The following TAS2R1 variants were observed in gnomAD, a reference collection of about 807,000 sequenced individuals.
TAS2R1 encodes the protein taste receptor type 2 member 1.
For missense variants in TAS2R1, 370 were observed against 353.4 expected (o/e 1.05, Z -0.38); for synonymous variants, 141 against 134.2 (o/e 1.05, Z -0.35).
the TAS2R1 span, among the ~76,000 whole-genome samples, chr5:9,859,115 A>G: frequency 1.6e-4 from 24 of 152,344 alleles, no homozygotes; most frequent in African/African-American, 5.0e-4. Context: ...TTTCATTAAA[A>G]TGGTCCTTTG....
At chr5:9,677,956 A>T (rs1469616143) in intron 1 of TAS2R1, among the ~76,000 whole-genome samples, 5 of 152,184 alleles carry the variant, frequency 3.3e-5, no homozygotes, top group African/African-American at 1.2e-4. Context: ...AATCCCAACT[A>T]AATGGGCAGC....
the TAS2R1 span, among the ~76,000 whole-genome samples, chr5:9,844,074 T>C: frequency 6.6e-6 from 1 of 152,190 alleles, no homozygotes. Flanking sequence ...AGTATTATCA[T>C]TGGGAATGAC....
chr5:9,859,534 T>A, the TAS2R1 span, among the ~76,000 whole-genome samples: 27 of 152,212 alleles, frequency 1.8e-4, no homozygotes, highest in African/African-American at 6.3e-4. Context: ...ATCCCATTGA[T>A]TATTGCGTTC....
the TAS2R1 span, among the ~76,000 whole-genome samples, chr5:9,820,833 T>C: frequency 3.3e-5 from 5 of 152,176 alleles, no homozygotes; most frequent in Admixed American, 2.6e-4. Flanking sequence ...CCTGAACTAA[T>C]TAGTATTCTG....
At chr5:9,762,552 A>G in the TAS2R1 span, among the ~76,000 whole-genome samples, 1 of 152,228 alleles carries the variant, frequency 6.6e-6, no homozygotes, top group African/African-American at 2.4e-5. Flanking sequence ...GTGTCACAAT[A>G]TAGACCCGGT....
At chr5:9,769,355 T>C in the TAS2R1 span, among the ~76,000 whole-genome samples, 152 of 152,360 alleles carry the variant, frequency 1.0e-3, no homozygotes, top group African/African-American at 3.6e-3. Context: ...TCTTGGCTAT[T>C]GTGAACAATG....
chr5:9,637,313 TTCTCCTTTAAGGGTTA>T (rs1739983481), intron 2 of TAS2R1, among the ~76,000 whole-genome samples: 3 of 152,188 alleles, frequency 2.0e-5, no homozygotes, highest in Admixed American at 2.0e-4. Flanking sequence ...ATCTGATAGG[TTCTCCTTTAAGGGTTA>T]TCTGATGCTT....
chr5:9,778,473 G>A, the TAS2R1 span, among the ~76,000 whole-genome samples: 3 of 152,198 alleles, frequency 2.0e-5, no homozygotes, highest in Admixed American at 2.0e-4. Flanking sequence ...TTTGAAGCCA[G>A]GAATTGTCTT....
intron 1 of TAS2R1, among the ~76,000 whole-genome samples, chr5:9,704,375 A>C (rs78460633): frequency 2.4e-4 from 35 of 147,960 alleles, no homozygotes; most frequent in South Asian, 1.9e-3. Flanking sequence ...AAAAAAAAAA[A>C]TCAGATATTA....
At chr5:9,833,698 C>T in the TAS2R1 span, among the ~76,000 whole-genome samples, 14 of 152,228 alleles carry the variant, frequency 9.2e-5, no homozygotes, top group African/African-American at 2.9e-4. Context: ...TTAGGCAAAT[C>T]TGATTAAGAG....
At chr5:9,832,282 A>G in the TAS2R1 span, among the ~76,000 whole-genome samples, 2 of 152,206 alleles carry the variant, frequency 1.3e-5, no homozygotes, top group Non-Finnish European at 2.9e-5. Flanking sequence ...TTATTCACAT[A>G]CAAGTAAGGT....
At chr5:9,692,886 T>G (rs1175176158) in intron 1 of TAS2R1, among the ~76,000 whole-genome samples, 1 of 152,192 alleles carries the variant, frequency 6.6e-6, no homozygotes, top group Non-Finnish European at 1.5e-5. Context: ...CTTTAAAAAT[T>G]TATTCACCAA....
At chr5:9,827,595 CATG>C in the TAS2R1 span, among the ~76,000 whole-genome samples, 20 of 82,518 alleles carry the variant, frequency 2.4e-4, no homozygotes, top group Admixed American at 5.3e-4. Context: ...GGTGTGGTGG[CATG>C]CACACACACA....
At chr5:9,696,381 G>GT (rs1741356546) in intron 1 of TAS2R1, among the ~76,000 whole-genome samples, 1 of 151,966 alleles carries the variant, frequency 6.6e-6, no homozygotes, top group South Asian at 2.1e-4. Context: ...TCAACATGGT[G>GT]AAACCCTATC....
chr5:9,743,221 T>C, the TAS2R1 span, among the ~76,000 whole-genome samples: 1 of 152,208 alleles, frequency 6.6e-6, no homozygotes, highest in Non-Finnish European at 1.5e-5. Context: ...CTCCCTTTTT[T>C]CTCTTCTGCC....
chr5:9,879,057 G>A, the TAS2R1 span, among the ~76,000 whole-genome samples: 1 of 152,246 alleles, frequency 6.6e-6, no homozygotes, highest in Non-Finnish European at 1.5e-5. Flanking sequence ...AGCTCCTTCA[G>A]TTTCCACAGC....
chr5:9,845,032 G>A, the TAS2R1 span, among the ~76,000 whole-genome samples: 1 of 152,122 alleles, frequency 6.6e-6, no homozygotes, highest in Non-Finnish European at 1.5e-5. Flanking sequence ...ATCCTGCTAT[G>A]GACTGAATAT....
At chr5:9,692,309 G>A (rs1338853832) in intron 1 of TAS2R1, among the ~76,000 whole-genome samples, 1 of 152,186 alleles carries the variant, frequency 6.6e-6, no homozygotes, top group African/African-American at 2.4e-5. Flanking sequence ...TGGTACTTCT[G>A]AAAATGGAAG....
chr5:9,863,338 T>C, the TAS2R1 span, among the ~76,000 whole-genome samples: 23 of 150,214 alleles, frequency 1.5e-4, no homozygotes, highest in Non-Finnish European at 3.0e-4. Flanking sequence ...CGTGATGATC[T>C]CGGCTCACTG....
Sources: allele counts gnomAD v4.1 joint callset (sites outside exome capture counted in the v4.1 genomes callset), GRCh38; gene constraint gnomAD v4.1.1; transcripts MANE v1.5; gene names NCBI Gene and HGNC (gene_info 2026-07-23, HGNC 2026-07-21).